RALYL: variants seen among roughly 807,000 people sequenced by gnomAD.
The protein encoded by RALYL is RNA-binding Raly-like protein.
A neutral mutation model predicts 35.1 loss-of-function variants in RALYL; 29 were observed. The ratio of observed to expected loss-of-function variants is 0.83; its 90% CI spans 0.61 to 1.13. The LOEUF is 1.13. RALYL is among the 50% of genes most tolerant of loss of function. The pLI, the probability that RALYL is intolerant of heterozygous loss-of-function variation, is 0.00. For synonymous variants in RALYL, 120 were observed against 127.6 expected, an observed-to-expected ratio of 0.94 and a Z score of 0.40; for missense variants, 359 against 360.4, an observed-to-expected ratio of 1.00 and a Z score of 0.03.
chr8:84,282,536 A>G (rs1453652119), intron 1 of RALYL, among the ~76,000 whole-genome samples: 2 of 152,070 alleles, frequency 1.3e-5, no homozygotes, highest in Middle Eastern at 3.2e-3. Flanking sequence ...GGGGTGGTTC[A>G]TAATTTTAAG....
chr8:84,520,262 CT>C (rs1243183230), intron 1 of RALYL, among the ~76,000 whole-genome samples: 1 of 152,068 alleles, frequency 6.6e-6, no homozygotes, highest in Admixed American at 6.6e-5. Flanking sequence ...ATGATTTAAG[CT>C]TTGTTTTGCA....
At chr8:84,537,159 T>TA (rs11284312) in intron 2 of RALYL, among the ~76,000 whole-genome samples, 4,298 of 139,054 alleles carry the variant, frequency 0.031, 111 homozygotes, top group Middle Eastern at 0.045. Flanking sequence ...ATATATATAT[T>TA]AAAAAAAAAA....
chr8:84,632,651 G>T (rs1372622061), intron 2 of RALYL, among the ~76,000 whole-genome samples: 1 of 151,086 alleles, frequency 6.6e-6, no homozygotes, highest in Admixed American at 6.6e-5. Flanking sequence ...TTTACATTTA[G>T]TATATTCCAG....
chr8:84,410,969 A>G (rs1378859246), intron 1 of RALYL, among the ~76,000 whole-genome samples: 1 of 151,826 alleles, frequency 6.6e-6, no homozygotes, highest in Non-Finnish European at 1.5e-5. Context: ...TGAAAGTAGG[A>G]AATATTTCTT....
Position 84,434,819 on chromosome 8 carries a change from A to T in RALYL, c.-23-94480A>T, listed in dbSNP as rs188804796. The stretch of plus-strand genomic sequence containing the variant: ...ACCACCATGTCTGGCAAATTAAAAA[A>T]ATATATACATTTGTAGAGACAAAGT... On this transcript the variant is annotated intron_variant, in intron 1 of 8. Coordinates refer to ENST00000521268, the MANE Select transcript of RALYL (RefSeq NM_173848.7). Among the ~76,000 whole-genome samples, 203 of 152,236 alleles carry T rather than the reference A, an allele frequency of 1.3e-3. 2 individuals are homozygous for T. Among genetic ancestry groups the T allele is most frequent in the African/African-American group, 3.9e-3 (163 of 41,538 alleles).
chr8:84,546,284 G>T (rs776027469), intron 2 of RALYL, among the ~76,000 whole-genome samples: 1 of 151,846 alleles, frequency 6.6e-6, no homozygotes, highest in African/African-American at 2.4e-5. Flanking sequence ...CATGCCCAGC[G>T]AATTTTTGTA....
At chr8:84,803,659 C>T (rs1823886194) in intron 3 of RALYL, among the ~76,000 whole-genome samples, 1 of 152,194 alleles carries the variant, frequency 6.6e-6, no homozygotes, top group Non-Finnish European at 1.5e-5. Flanking sequence ...CCCTTTTCTG[C>T]CATTATGATT....
intron 1 of RALYL, among the ~76,000 whole-genome samples, chr8:84,328,790 A>G (rs999205168): frequency 5.9e-5 from 9 of 152,088 alleles, no homozygotes; most frequent in South Asian, 2.1e-4. Context: ...CCCAGTGTCT[A>G]TCATTATCAA....
At chr8:84,478,801 C>T (rs917653862) in intron 1 of RALYL, among the ~76,000 whole-genome samples, 1 of 151,564 alleles carries the variant, frequency 6.6e-6, no homozygotes, top group African/African-American at 2.4e-5. Flanking sequence ...GGAATCAATA[C>T]ACAGGCTGGG....
At chr8:84,547,025 T>C (rs576813809) in intron 2 of RALYL, among the ~76,000 whole-genome samples, 2 of 152,126 alleles carry the variant, frequency 1.3e-5, no homozygotes, top group South Asian at 4.1e-4. Flanking sequence ...TCCAAAGGTA[T>C]ACATGTGCCA....
intron 2 of RALYL, among the ~76,000 whole-genome samples, chr8:84,726,311 TATAA>T (rs1844944266): frequency 6.8e-6 from 1 of 146,950 alleles, no homozygotes; most frequent in African/African-American, 2.5e-5. Context: ...TATATATATT[TATAA>T]ATATATAATT....
intron 1 of RALYL, among the ~76,000 whole-genome samples, chr8:84,510,352 C>T (rs566767667): frequency 6.6e-6 from 1 of 152,260 alleles, no homozygotes; most frequent in Non-Finnish European, 1.5e-5. Context: ...CTAACTAAAT[C>T]TGAAATTTAA....
At chr8:84,271,958 T>C (rs916928018) in intron 1 of RALYL, among the ~76,000 whole-genome samples, 4 of 152,212 alleles carry the variant, frequency 2.6e-5, no homozygotes, top group Admixed American at 6.5e-5. Context: ...TTAAAATAGA[T>C]GAATTTTCTG....
chr8:84,449,078 GT>G (rs1554671924), intron 1 of RALYL, among the ~76,000 whole-genome samples: 7,192 of 124,208 alleles, frequency 0.058, 194 homozygotes, highest in African/African-American at 0.086. Flanking sequence ...TAGTTTTTTT[GT>G]TTTTTTTTTT....
intron 3 of RALYL, among the ~76,000 whole-genome samples, chr8:84,788,520 T>C (rs1288804571): frequency 1.3e-5 from 2 of 152,142 alleles, no homozygotes; most frequent in African/African-American, 2.4e-5. Context: ...CAGGCAATAG[T>C]GAAGGTTTTG....
chr8:84,855,107 A>G (rs1836706613), intron 5 of RALYL, among the ~76,000 whole-genome samples: 1 of 152,222 alleles, frequency 6.6e-6, no homozygotes, highest in Admixed American at 6.5e-5. Flanking sequence ...CACAAATAAA[A>G]AGCAAAACAA....
At chr8:84,286,231 T>C (rs886377187) in intron 1 of RALYL, among the ~76,000 whole-genome samples, 7 of 152,168 alleles carry the variant, frequency 4.6e-5, no homozygotes, top group African/African-American at 1.7e-4. Flanking sequence ...CCTGGCCGAA[T>C]GTTTTTAATT....
chr8:84,301,116 C>G (rs1028964414), intron 1 of RALYL, among the ~76,000 whole-genome samples: 1 of 151,838 alleles, frequency 6.6e-6, no homozygotes, highest in Non-Finnish European at 1.5e-5. Flanking sequence ...TCTGAAAAGG[C>G]TTTTATTTCT....
intron 2 of RALYL, among the ~76,000 whole-genome samples, chr8:84,609,798 T>C (rs895315699): frequency 1.3e-5 from 2 of 152,042 alleles, no homozygotes; most frequent in African/African-American, 4.8e-5. Flanking sequence ...TACCTGAGAG[T>C]TGGTAATCTA....
Sources: gnomAD v4.1 joint callset for allele counts (sites outside exome capture counted in the v4.1 genomes callset) on GRCh38, gnomAD v4.1.1 for gene constraint, MANE v1.5 for transcripts, NCBI Gene and HGNC (gene_info 2026-07-23, HGNC 2026-07-21) for gene names.